The following CDKN2A variants were observed in gnomAD, a reference collection of about 807,000 sequenced individuals.
CDKN2A encodes cyclin dependent kinase inhibitor 2A.
CDKN2A carries 3 observed loss-of-function variants against 11.1 expected under a neutral mutation model. The observed-to-expected ratio is 0.27, with a 90% CI of 0.12 to 0.70. CDKN2A has a LOEUF of 0.70. CDKN2A is among the 30% of genes least tolerant of loss of function. The probability of loss-of-function intolerance (pLI) is 0.77; values close to 1 mark genes in which losing one functional copy is unlikely to be tolerated. For missense variants in CDKN2A, 265 were observed against 233.6 expected, an observed-to-expected ratio of 1.13 and a Z score of -0.88; for synonymous variants, 122 against 108.1, an observed-to-expected ratio of 1.13 and a Z score of -0.80.
intron 2 of CDKN2A, chr9:21,992,098 TA>T (rs762734358): frequency 5.2e-5 from 45 of 860,610 alleles, no homozygotes; most frequent in Admixed American, 6.2e-5. Flanking sequence ...TCCAATCATA[TA>T]AAAATAAAAA....
At chr9:21,969,506 G>A (rs1819586587) in intron 2 of CDKN2A, 1 of 379,584 alleles carries the variant, frequency 2.6e-6, no homozygotes, top group African/African-American at 2.1e-5. Context: ...TGTGCTTGAA[G>A]AGGGGGTGTT....
At chr9:21,976,662 G>C (rs982204709), upstream of CDKN2A, among the ~76,000 whole-genome samples, 1 of 150,192 alleles carries the variant, frequency 6.7e-6, no homozygotes, top group Non-Finnish European at 1.5e-5. Context: ...AGGTTGCAGT[G>C]AGCCGAGATC....
At chr9:21,973,892 C>T in intron 1 of CDKN2A, among the ~76,000 whole-genome samples, 1 of 152,100 alleles carries the variant, frequency 6.6e-6, no homozygotes, top group Non-Finnish European at 1.5e-5. Context: ...CTCTCTCTTT[C>T]TCTCTTTCTT....
At position 21,991,551 on chromosome 9, in the gene CDKN2A, T is replaced by C; in HGVS notation, c.-4+2331A>G. ...AAGCACTGGGCCCACTGTTGAACCT[T>C]GCTATAAAAAAGTATTTTTGATACC... On this transcript the variant is annotated intron_variant, in intron 2 of 3. Coordinates refer to the CDKN2A transcript ENST00000494262. This position sits in a 1 kb window ranked among gnomAD's most constrained non-coding sequence, Gnocchi z 5.2. 1 of 605,366 alleles carries C rather than the reference T, an allele frequency of 1.7e-6. No homozygotes were observed. Among genetic ancestry groups the C allele is most frequent in the Non-Finnish European group, 2.1e-6 (1 of 483,154 alleles). The allele number at this position is 605,366 out of a possible 1,614,324, so 37.5% of individuals were successfully genotyped here.
At chr9:21,990,646 G>GAGAGAGAGAGAGAGAGAGAGAA (rs1820409892) in intron 2 of CDKN2A, among the ~76,000 whole-genome samples, 4 of 149,290 alleles carry the variant, frequency 2.7e-5, no homozygotes, top group African/African-American at 1.0e-4. Context: ...GAGAGAGAGA[G>GAGAGAGAGAGAGAGAGAGAGAA]AGAGAAACTG....
rs1486485976 is a variant in CDKN2A at position 21,988,482 on chromosome 9, TTAAA to T, written c.-4+5396_-4+5399del. Among the ~76,000 whole-genome samples the T allele has an allele frequency of 6.6e-6, 1 of 152,134 alleles. No individual in the cohort carries two copies. Among genetic ancestry groups the T allele is most frequent in the African/African-American group, 2.4e-5 (1 of 41,410 alleles). On this transcript the variant is annotated intron_variant, in intron 2 of 3. Transcript: ENST00000494262. This position sits in a 1 kb window ranked among gnomAD's most constrained non-coding sequence, Gnocchi z 4.1. ...AAACCATCATTCCAGGGCTCATGAA[TTAAA>T]TGAATGCACTGAGAGACACTGACAA...
chr9:21,970,803 G>C (rs1334437871), intron 2 of CDKN2A, 99 bp downstream of exon 2: 1 of 1,450,686 alleles, frequency 6.9e-7, no homozygotes, highest in Non-Finnish European at 9.5e-7. Flanking sequence ...AGGCAAGACC[G>C]GAGACTGGTC....
In CDKN2A at chr9:21,980,971, T is replaced by A. The variant is rs1186769532; in HGVS notation, c.-3-9763A>T. ...GAGACTCCGTCTCAAAAAAAAAAAA[T>A]GTATATATATATATACACGTATATA... On this transcript the variant is annotated intron_variant, in intron 2 of 3. Coordinates refer to the CDKN2A transcript ENST00000494262. 7.9e-4 allele frequency among the ~76,000 whole-genome samples: 9 copies of A among 11,356 alleles called. 1 individual carries two copies. Among genetic ancestry groups the A allele is most frequent in the South Asian group, 0.015 (1 of 66 alleles). 7.4% of individuals were successfully genotyped at this position (11,356 alleles called of 152,430 possible).
Position 21,988,343 on chromosome 9 carries a change from A to G in CDKN2A, c.-4+5539T>C, listed in dbSNP as rs535554190. On this transcript the variant is annotated intron_variant, in intron 2 of 3. Coordinates refer to the CDKN2A transcript ENST00000494262. This position sits in a 1 kb window ranked among gnomAD's most constrained non-coding sequence, Gnocchi z 4.1. ...AGTCATAAAAATTAAAAATCAACAT[A>G]CTATTTTTTGAAAGGACCTCTGATG... 1.3e-5 allele frequency among the ~76,000 whole-genome samples: 2 copies of G among 152,326 alleles called. No homozygotes were observed. Among genetic ancestry groups the G allele is most frequent in the South Asian group, 2.1e-4 (1 of 4,820 alleles).
At chr9:21,984,932 G>C (rs1820269408) in intron 2 of CDKN2A, among the ~76,000 whole-genome samples, 2 of 151,892 alleles carry the variant, frequency 1.3e-5, no homozygotes, top group Non-Finnish European at 2.9e-5. Flanking sequence ...ATTAAAGATT[G>C]CAAGAAAATT....
At position 21,994,251 on chromosome 9, in the gene CDKN2A, G is replaced by C. The variant is rs1413839473; in HGVS notation, c.-175-198C>G. 5 of 1,606,594 alleles carry C rather than the reference G, an allele frequency of 3.1e-6. No individual in the cohort carries two copies. Among genetic ancestry groups the C allele is most frequent in the Non-Finnish European group, 4.2e-6 (5 of 1,178,804 alleles). On this transcript the variant is annotated intron_variant, in intron 1 of 3. Transcript: ENST00000494262. ...CTGCCCACTCCCCCGTGAGCCGCGGGATGTGAACCACGAAAACCCTCACTC... is the reference window on the plus strand; with the variant it reads ...CTGCCCACTCCCCCGTGAGCCGCGGCATGTGAACCACGAAAACCCTCACTC...
At chr9:21,976,541 C>T (rs1480552792), upstream of CDKN2A, among the ~76,000 whole-genome samples, 1 of 151,936 alleles carries the variant, frequency 6.6e-6, no homozygotes, top group Non-Finnish European at 1.5e-5. Context: ...CATGGCGAAA[C>T]CCTGTCTCTA....
chr9:21,986,134 T>C (rs1463183227), intron 2 of CDKN2A, among the ~76,000 whole-genome samples: 1 of 152,092 alleles, frequency 6.6e-6, no homozygotes, highest in Non-Finnish European at 1.5e-5. Flanking sequence ...TACTTCATTC[T>C]GGTACCATGA....
upstream of CDKN2A, among the ~76,000 whole-genome samples, chr9:21,976,106 C>G (rs1820021754): frequency 6.6e-6 from 1 of 152,080 alleles, no homozygotes; most frequent in South Asian, 2.1e-4. Context: ...GAGCAGGACG[C>G]GGTGGCTCAC....
In CDKN2A at chr9:21,969,514, G is replaced by A. The variant is rs1003309552; in HGVS notation, c.458-1272C>T. On this transcript the variant is annotated intron_variant, in intron 2 of 2. Transcript: ENST00000304494. ...AATTAATTGTGCTTGAAGAGGGGGT[G>A]TTGGGGAGTAAGAGAAGGAAGGGAG... 52 of 382,944 alleles carry A rather than the reference G, an allele frequency of 1.4e-4. No homozygotes were observed. The Admixed American group carries it at 2.3e-3, about 17-fold the overall frequency. 23.7% of individuals were successfully genotyped at this position (382,944 alleles called of 1,614,324 possible). A position where few individuals can be genotyped will look rare whatever the true frequency, so the allele number is the denominator to read the frequency against.
chr9:21,993,507 T>G (rs539762204), intron 2 of CDKN2A, among the ~76,000 whole-genome samples: 7 of 152,196 alleles, frequency 4.6e-5, no homozygotes, highest in African/African-American at 1.7e-4. Flanking sequence ...CCGCCGGACC[T>G]CTACCTCTAA....
chr9:21,968,338 A>G lies in CDKN2A; in HGVS notation c.458-96T>C. The G allele has an allele frequency of 6.5e-7, 1 of 1,537,084 alleles. No homozygotes were observed. Among genetic ancestry groups the G allele is most frequent in the Non-Finnish European group, 9.0e-7 (1 of 1,116,274 alleles). The stretch of plus-strand genomic sequence containing the variant: ...TCTCTTGCCGTCCCTACCGGCATTG[A>G]AATACTTATGGATAAAGTTCTCGCA... On this transcript the variant is annotated intron_variant, in intron 2 of 2. Transcript: ENST00000304494. This position sits in a 1 kb window ranked among gnomAD's most constrained non-coding sequence, Gnocchi z 4.7.
Position 21,968,655 on chromosome 9 carries a change from G to A in CDKN2A, c.458-413C>T, listed in dbSNP as rs2131081320. The A allele has an allele frequency of 6.5e-7, 1 of 1,534,484 alleles. No individual in the cohort carries two copies. The highest frequency in any genetic ancestry group is 8.7e-7 in the Non-Finnish European group (1 of 1,145,822). ...ATCTTTTGCACCTGGTGCGGAGTGA[G>A]CCAGCCAGCTTGCGATAACCAAAGG... On this transcript the variant is annotated intron_variant, in intron 2 of 2. Coordinates refer to ENST00000304494, the MANE Select transcript of CDKN2A (RefSeq NM_000077.5). The surrounding 1 kb of genome is among the most constrained non-coding windows in gnomAD (Gnocchi z 4.7).
intron 2 of CDKN2A, chr9:21,992,292 A>C (rs1820446753): frequency 1.1e-6 from 1 of 874,186 alleles, no homozygotes. Flanking sequence ...CATAAAATAT[A>C]TTAATGTGAA....
Sources: allele counts gnomAD v4.1 joint callset (sites outside exome capture counted in the v4.1 genomes callset), GRCh38; gene constraint gnomAD v4.1.1; non-coding constraint Gnocchi (gnomAD v3.1); transcripts MANE v1.5; gene names NCBI Gene and HGNC (gene_info 2026-07-23, HGNC 2026-07-21).